NDOR1: variants seen among roughly 807,000 people sequenced by gnomAD.
The protein encoded by NDOR1 is NADPH dependent diflavin oxidoreductase 1, also known as NADPH-dependent diflavin oxidoreductase 1.
NDOR1 carries 61 observed loss-of-function variants against 67.2 expected under a neutral mutation model. That is an observed-to-expected ratio of 0.91 (90% CI 0.74 to 1.12). NDOR1 has a LOEUF of 1.12. Ranked by LOEUF, NDOR1 falls within the 50% of genes most tolerant of loss-of-function variation. The pLI is 0.00. For missense variants in NDOR1, 878 were observed against 802.8 expected (o/e 1.09, Z -1.13); for synonymous variants, 378 against 343.7 (o/e 1.10, Z -1.10).
intron 2 of NDOR1, among the ~76,000 whole-genome samples, chr9:137,208,248 G>A (rs1164482831): frequency 1.3e-5 from 2 of 150,492 alleles, no homozygotes; most frequent in Non-Finnish European, 3.0e-5. Flanking sequence ...AGGAGATCGA[G>A]ACCATCCTGG....
At position 137,215,085 on chromosome 9, in the gene NDOR1, CTT is replaced by C; in HGVS notation, c.1066-8_1066-7del. 11 of 1,613,722 alleles carry C rather than the reference CTT, an allele frequency of 6.8e-6. No homozygotes were observed. Among genetic ancestry groups the C allele is most frequent in the South Asian group, 1.1e-5 (1 of 91,044 alleles). ...CACGCTGCAGCCACCCTGAGACTCT[CTT>C]TGCCTAGGTGCTCTGTGACTTCCCG... On this transcript the variant is annotated splice_region_variant and splice_polypyrimidine_tract_variant and intron_variant, in intron 8 of 13. Coordinates refer to ENST00000684003, the MANE Select transcript of NDOR1 (RefSeq NM_014434.4).
At chr9:137,209,754 A>C (rs771449279) in intron 2 of NDOR1, among the ~76,000 whole-genome samples, 12 of 152,222 alleles carry the variant, frequency 7.9e-5, no homozygotes, top group Admixed American at 6.5e-4. Flanking sequence ...CAGAGGAACC[A>C]CAGTGAAAGG....
Position 137,216,613 on chromosome 9 carries a change from CT to C in NDOR1, c.*198del. The C allele has an allele frequency of 1.5e-6, 1 of 682,894 alleles. No homozygotes were observed. The highest frequency in any genetic ancestry group is 2.4e-6 in the Non-Finnish European group (1 of 415,066). 42.3% of individuals were successfully genotyped at this position (682,894 alleles called of 1,614,324 possible). Reference sequence around the variant, plus strand: ...CCTTTGAGCCTGACCCCACTGCAGCCTCTGCCCAGCCAGCCCTGCGCTCCCC... The same window carrying C: ...CCTTTGAGCCTGACCCCACTGCAGCCCTGCCCAGCCAGCCCTGCGCTCCCC... On this transcript the variant is annotated 3_prime_UTR_variant, in exon 14 of 14. Coordinates refer to ENST00000684003, the MANE Select transcript of NDOR1 (RefSeq NM_014434.4).
chr9:137,212,413 C>T lies in NDOR1; in HGVS notation c.214-89C>T, dbSNP rs1427290016. On this transcript the variant is annotated intron_variant, in intron 2 of 13. Coordinates refer to ENST00000684003, the MANE Select transcript of NDOR1 (RefSeq NM_014434.4). This position sits in a 1 kb window ranked among gnomAD's most constrained non-coding sequence, Gnocchi z 4.3. Reference sequence around the variant, plus strand: ...ATTCTGCCCCCATCCTACCCACCTGCCTGTTCCCCTGAGACCCTCCCCTCA... The same window carrying T: ...ATTCTGCCCCCATCCTACCCACCTGTCTGTTCCCCTGAGACCCTCCCCTCA... The T allele has an allele frequency of 8.6e-7, 1 of 1,156,298 alleles. No homozygotes were observed. The highest frequency in any genetic ancestry group is 1.5e-5 in the African/African-American group (1 of 65,768). 71.6% of individuals were successfully genotyped at this position (1,156,298 alleles called of 1,614,324 possible).
chr9:137,208,004 C>T (rs564022404), intron 2 of NDOR1, among the ~76,000 whole-genome samples: 53 of 151,298 alleles, frequency 3.5e-4, no homozygotes, highest in Admixed American at 2.1e-3. Context: ...TAGCTGGGCA[C>T]GGCGCAGTGG....
In NDOR1 at chr9:137,205,846, A is replaced by T. The variant is rs543874580; in HGVS notation, c.69A>T (p.Arg23Ser). Residue 23 changes from arginine to serine, a missense_variant, in exon 1 of 14, where the codon AGA becomes AGT. Arg to Ser is a moderately radical substitution (Grantham distance 110). Transcript: ENST00000684003. ...GCACGGCTCAGGATGTGTCGGAGAG[A>T]CTGGGTCGCGAGGCCCGGCGCCGGC... The part of the protein sequence containing the change: ...QTGTAQDVSE[R>S]LGREARRRRL... The T allele has an allele frequency of 1.9e-6, 3 of 1,603,660 alleles. No individual in the cohort carries two copies. The African/African-American group carries it at 4.0e-5, about 21-fold the overall frequency.
Position 137,214,978 on chromosome 9 carries a change from T to G in NDOR1, c.1025T>G (p.Leu342Arg), listed in dbSNP as rs1482151445. ...AGTTCTGCCCAAGGCCAGGAGGAGC[T>G]CTTTGAATACTGCAACCGGCCCCGC... ...EFSSAQGQEE[L>R]FEYCNRPRRT... Residue 342 changes from leucine (L) to arginine (R), a missense_variant, in exon 8 of 14, where the codon CTC becomes CGC. Physicochemically the swap from Leu to Arg is moderately radical, Grantham distance 102. Transcript: ENST00000684003. 1.2e-6 allele frequency: 2 copies of G among 1,613,426 alleles called. No individual in the cohort carries two copies. Among genetic ancestry groups the G allele is most frequent in the South Asian group, 2.2e-5 (2 of 91,074 alleles).
At position 137,214,195 on chromosome 9, in the gene NDOR1, C is replaced by T. The variant is rs1290322253; in HGVS notation, c.513-9C>T. 9 of 1,607,182 alleles carry T rather than the reference C, an allele frequency of 5.6e-6. No homozygotes were observed. The highest frequency in any genetic ancestry group is 1.7e-6 in the Non-Finnish European group (2 of 1,178,294). On this transcript the variant is annotated splice_polypyrimidine_tract_variant and intron_variant, in intron 5 of 13. Transcript: ENST00000684003. ...TGGGTCCTGGTCTGACCAGCGTGCCCTCCCACAGCCTGCCCTCCAAGTTCA... is the reference window on the plus strand; with the variant it reads ...TGGGTCCTGGTCTGACCAGCGTGCCTTCCCACAGCCTGCCCTCCAAGTTCA...
rs1835759931 is a variant in NDOR1, at chr9:137,218,894, T to G, written c.*2478T>G. 1 of 359,364 alleles carries G rather than the reference T, an allele frequency of 2.8e-6. No individual in the cohort carries two copies. The highest frequency in any genetic ancestry group is 2.1e-5 in the African/African-American group (1 of 47,764). The allele number at this position is 359,364 out of a possible 1,614,324, so 22.3% of individuals were successfully genotyped here. On this transcript the variant is annotated 3_prime_UTR_variant, in exon 14 of 14. Coordinates refer to ENST00000684003, the MANE Select transcript of NDOR1 (RefSeq NM_014434.4). ...GAGGCCAGCCCAGCAGGAAAGTCTG[T>G]GAGCAGGACCCCATTCACCCTGCGG... is the stretch of plus-strand genomic sequence containing the variant.
rs763590751 is a variant in NDOR1, at chr9:137,205,919, G to A, written c.135+7G>A. 1 of 1,579,584 alleles carries A rather than the reference G, an allele frequency of 6.3e-7. No individual in the cohort carries two copies. Among genetic ancestry groups the A allele is most frequent in the Admixed American group, 1.7e-5 (1 of 58,098 alleles). On this transcript the variant is annotated splice_region_variant and intron_variant, in intron 1 of 13. Transcript: ENST00000684003. ...CCTGGACTCCTACCCGGTGGTGAGG[G>A]CTCGCTAGGGCCTCGGCGTGGGGGA... is the stretch of plus-strand genomic sequence containing the variant.
In NDOR1 at chr9:137,214,197, C is replaced by T. The variant is rs906430848; in HGVS notation, c.513-7C>T. ...GGTCCTGGTCTGACCAGCGTGCCCT[C>T]CCACAGCCTGCCCTCCAAGTTCACC... is the stretch of plus-strand genomic sequence containing the variant. On this transcript the variant is annotated splice_region_variant and splice_polypyrimidine_tract_variant and intron_variant, in intron 5 of 13. Coordinates refer to ENST00000684003, the MANE Select transcript of NDOR1 (RefSeq NM_014434.4). 2 of 1,607,950 alleles carry T rather than the reference C, an allele frequency of 1.2e-6. No individual in the cohort carries two copies. The highest frequency in any genetic ancestry group is 1.7e-5 in the Admixed American group (1 of 59,724).
chr9:137,218,307 G>A lies in NDOR1; in HGVS notation c.*1891G>A, dbSNP rs571717926. The A allele has an allele frequency of 3.3e-5, 13 of 398,264 alleles. No individual in the cohort carries two copies. The highest frequency in any genetic ancestry group is 7.1e-5 in the East Asian group (2 of 28,056). 24.7% of individuals were successfully genotyped at this position (398,264 alleles called of 1,614,324 possible). ...GCCGACGGGCCCTCACGCCAGCCCC[G>A]CCGAGAGGCCCCTGCATCCTATCAC... is the stretch of plus-strand genomic sequence containing the variant. On this transcript the variant is annotated 3_prime_UTR_variant, in exon 14 of 14. Transcript: ENST00000684003.
chr9:137,212,944 G>A lies in NDOR1; in HGVS notation c.311+345G>A, dbSNP rs780488320. On this transcript the variant is annotated intron_variant, in intron 3 of 13. Transcript: ENST00000684003. This position sits in a 1 kb window ranked among gnomAD's most constrained non-coding sequence, Gnocchi z 4.3. The stretch of plus-strand genomic sequence containing the variant: ...GACCCCGTATGCTCCTGCCACCCCA[G>A]AGGCCACCTCTGCCTTTTCTCCTGG... The A allele has an allele frequency of 3.3e-6, 1 of 305,792 alleles. No individual in the cohort carries two copies. Among genetic ancestry groups the A allele is most frequent in the Non-Finnish European group, 6.3e-6 (1 of 159,214 alleles). 18.9% of individuals were successfully genotyped at this position (305,792 alleles called of 1,614,324 possible).
chr9:137,205,833 A>T lies in NDOR1; in HGVS notation c.56A>T (p.Asp19Val), dbSNP rs555506100. 6.2e-7 allele frequency: 1 copy of T among 1,605,318 alleles called. No individual in the cohort carries two copies. The highest frequency in any genetic ancestry group is 1.3e-5 in the African/African-American group (1 of 75,018). The change falls in exon 1 of 14, where the codon GAT becomes GTT. Residue 19 changes from aspartate to valine, a missense_variant. By Grantham distance (152) the Asp-to-Val change is radical (BLOSUM62 -3). Transcript: ENST00000684003. ...LFGSQTGTAQDVSERLGREAR... is the reference protein window; with the variant it reads ...LFGSQTGTAQVVSERLGREAR... The stretch of plus-strand genomic sequence containing the variant: ...GGCAGCCAGACAGGCACGGCTCAGG[A>T]TGTGTCGGAGAGACTGGGTCGCGAG...
In NDOR1 at chr9:137,214,058, C is replaced by T. The variant is rs773676145; in HGVS notation, c.502C>T (p.Pro168Ser). 9 of 1,540,676 alleles carry T rather than the reference C, an allele frequency of 5.8e-6. No individual in the cohort carries two copies. In the South Asian group the frequency reaches 9.5e-5, roughly 16 times the overall value. The change falls in exon 5 of 14, where the codon CCC becomes TCC. Residue 168 changes from proline (P) to serine (S), a missense_variant. Pro to Ser is a moderately conservative substitution (Grantham distance 74). Transcript: ENST00000684003. ...PPPPGLTEIP[P>S]GVPLPSKFTL... ...GCCTCCGGGCCTCACTGAGATCCCT[C>T]CCGGAGTCCCGTGAGTGTGGGCCCC...
At chr9:137,208,625 C>T (rs1405935209) in intron 2 of NDOR1, among the ~76,000 whole-genome samples, 1 of 151,838 alleles carries the variant, frequency 6.6e-6, no homozygotes, top group Non-Finnish European at 1.5e-5. Context: ...TCGCTTGAGC[C>T]CAGGAGTTCA....
At position 137,214,060 on chromosome 9, in the gene NDOR1, C is replaced by T. The variant is rs761149847; in HGVS notation, c.504C>T (p.Pro168=). ...CTCCGGGCCTCACTGAGATCCCTCC[C>T]GGAGTCCCGTGAGTGTGGGCCCCGG... is the stretch of plus-strand genomic sequence containing the variant. ...PPPPGLTEIP[P]GVPLPSKFTL... is the part of the protein sequence containing the mutation. Residue 168 remains proline, a synonymous_variant, in exon 5 of 14, where the codon CCC becomes CCT. Coordinates refer to ENST00000684003, the MANE Select transcript of NDOR1 (RefSeq NM_014434.4). The T allele has an allele frequency of 1.5e-5, 23 of 1,540,556 alleles. No homozygotes were observed. The highest frequency in any genetic ancestry group is 4.9e-5 in the East Asian group (2 of 41,020).
rs1358723419 is a variant in NDOR1, at chr9:137,218,644, C to T, written c.*2228C>T. ...CCCCGCCGCCAACAGGCCAGGGGGC[C>T]CAGACTGGCCCACGTCCCCATGCCT... On this transcript the variant is annotated 3_prime_UTR_variant, in exon 14 of 14. Coordinates refer to ENST00000684003, the MANE Select transcript of NDOR1 (RefSeq NM_014434.4). 1 of 398,460 alleles carries T rather than the reference C, an allele frequency of 2.5e-6. No homozygotes were observed. The highest frequency in any genetic ancestry group is 4.4e-6 in the Non-Finnish European group (1 of 226,034). 24.7% of individuals were successfully genotyped at this position (398,460 alleles called of 1,614,324 possible).
rs1227697885 is a variant in NDOR1, at chr9:137,214,946, G to A, written c.993G>A (p.Leu331=). 1 of 1,613,538 alleles carries A rather than the reference G, an allele frequency of 6.2e-7. No individual in the cohort carries two copies. Among genetic ancestry groups the A allele is most frequent in the South Asian group, 1.1e-5 (1 of 91,090 alleles). ...SLHELEREKL[L]EFSSAQGQEE... ...ATGAGCTGGAGCGGGAGAAGCTGCT[G>A]GAGTTCAGTTCTGCCCAAGGCCAGG... Residue 331 remains leucine (L), a synonymous_variant, in exon 8 of 14, where the codon CTG becomes CTA. Transcript: ENST00000684003.
Sources: gnomAD v4.1 joint callset for allele counts (sites outside exome capture counted in the v4.1 genomes callset) on GRCh38, gnomAD v4.1.1 for gene constraint, Gnocchi (gnomAD v3.1) non-coding constraint, MANE v1.5 for transcripts, NCBI Gene and HGNC (gene_info 2026-07-23, HGNC 2026-07-21) for gene names.